The following PAX5 variants were observed in gnomAD, a reference collection of about 807,000 sequenced individuals.
The protein encoded by PAX5 is paired box protein Pax-5.
A neutral mutation model predicts 43.7 loss-of-function variants in PAX5; 9 were observed. The ratio of observed to expected loss-of-function variants is 0.21; its 90% CI spans 0.12 to 0.36. The LOEUF (loss-of-function observed/expected upper bound fraction) is 0.36, where lower values mean the gene tolerates loss of function less well. Among genes scored for constraint, PAX5 ranks in the 10% least tolerant of loss-of-function variants. PAX5 has a pLI of 1.00. For missense variants in PAX5, 383 were observed against 532.7 expected, an observed-to-expected ratio of 0.72 and a Z score of 2.77; for synonymous variants, 228 against 214.3, an observed-to-expected ratio of 1.06 and a Z score of -0.56.
chr9:36,944,242 G>A (rs1052333083), intron 6 of PAX5, among the ~76,000 whole-genome samples: 5 of 151,990 alleles, frequency 3.3e-5, no homozygotes, highest in Non-Finnish European at 5.9e-5. Flanking sequence ...AAACACATGG[G>A]GCACGCTCAT....
rs982978253 is a variant in PAX5 at position 36,834,402 on chromosome 9, G to A, written c.*6158C>T. On this transcript the variant is annotated 3_prime_UTR_variant, in exon 10 of 10. Coordinates refer to ENST00000358127, the MANE Select transcript of PAX5 (RefSeq NM_016734.3). The stretch of plus-strand genomic sequence containing the variant: ...TCTGAGTTTCAAGTATGTCTGAGGT[G>A]TAGGGGAGTGAGTGAGTGTGTGTGT... The A allele has an allele frequency of 4.0e-5, 9 of 225,446 alleles. No individual in the cohort carries two copies. Among genetic ancestry groups the A allele is most frequent in the African/African-American group, 4.8e-5 (2 of 42,056 alleles). 14.0% of individuals were successfully genotyped at this position (225,446 alleles called of 1,614,324 possible).
intron 8 of PAX5, among the ~76,000 whole-genome samples, chr9:36,876,472 A>G (rs1825921644): frequency 6.6e-6 from 1 of 152,220 alleles, no homozygotes; most frequent in Non-Finnish European, 1.5e-5. Context: ...ACTAAAGCCA[A>G]AGGGCAATGA....
intron 6 of PAX5, among the ~76,000 whole-genome samples, chr9:36,950,345 TCAA>T (rs1832893842): frequency 6.6e-6 from 1 of 152,168 alleles, no homozygotes; most frequent in South Asian, 2.1e-4. Flanking sequence ...TGGGAAAGAA[TCAA>T]CAAATTCATC....
chr9:36,888,944 T>C (rs188963664), intron 7 of PAX5, among the ~76,000 whole-genome samples: 1 of 152,226 alleles, frequency 6.6e-6, no homozygotes, highest in African/African-American at 2.4e-5. Context: ...GCTCCACCAC[T>C]TACTCGCTGT....
chr9:36,951,408 C>T (rs771910391), intron 6 of PAX5, among the ~76,000 whole-genome samples: 3 of 152,242 alleles, frequency 2.0e-5, no homozygotes, highest in East Asian at 1.9e-4. Flanking sequence ...TTGCCAAGTG[C>T]GTACAGGTTC....
intron 7 of PAX5, among the ~76,000 whole-genome samples, chr9:36,890,959 C>T (rs983877841): frequency 7.9e-5 from 12 of 152,068 alleles, no homozygotes; most frequent in East Asian, 1.9e-4. Flanking sequence ...TACAACATGG[C>T]GAAACCCCAT....
In PAX5 at chr9:37,029,059, C is replaced by T. The variant is rs564833935; in HGVS notation, c.46+4927G>A. Among the ~76,000 whole-genome samples the T allele has an allele frequency of 4.4e-3, 668 of 152,312 alleles. 5 individuals are homozygous for T. Among genetic ancestry groups the T allele is most frequent in the African/African-American group, 0.015 (630 of 41,562 alleles). On this transcript the variant is annotated intron_variant, in intron 1 of 9. Transcript: ENST00000358127. Reference sequence around the variant, plus strand: ...GCTGAGGATTCCCTTGCCCCAGCAACTCATGGGAGTGGTCCGAAGACTCAA... The same window carrying T: ...GCTGAGGATTCCCTTGCCCCAGCAATTCATGGGAGTGGTCCGAAGACTCAA...
chr9:36,850,072 T>C (rs949800871), intron 8 of PAX5, among the ~76,000 whole-genome samples: 3 of 152,110 alleles, frequency 2.0e-5, no homozygotes, highest in Non-Finnish European at 4.4e-5. Context: ...GGTAGGACTT[T>C]GATGGCAGAG....
intron 3 of PAX5, among the ~76,000 whole-genome samples, chr9:37,014,381 A>C (rs1839214983): frequency 6.6e-6 from 1 of 152,164 alleles, no homozygotes; most frequent in African/African-American, 2.4e-5. Flanking sequence ...AGAGCATCTT[A>C]GCCTCCTGGA....
intron 2 of PAX5, among the ~76,000 whole-genome samples, chr9:37,019,192 C>A (rs1289896026): frequency 6.6e-6 from 1 of 152,058 alleles, no homozygotes; most frequent in African/African-American, 2.4e-5. Context: ...TTTTTAAAAT[C>A]ACTCTCTTTT....
rs973601936 is a variant in PAX5 at position 36,839,774 on chromosome 9, A to G, written c.*786T>C. ...TTCTGCTTCGGAAAAGTAGCTGAGGAATCTCCCAGACAGTTTTCTTTGAGT... is the reference window on the plus strand; with the variant it reads ...TTCTGCTTCGGAAAAGTAGCTGAGGGATCTCCCAGACAGTTTTCTTTGAGT... On this transcript the variant is annotated 3_prime_UTR_variant, in exon 10 of 10. Coordinates refer to ENST00000358127, the MANE Select transcript of PAX5 (RefSeq NM_016734.3). 1 of 233,376 alleles carries G rather than the reference A, an allele frequency of 4.3e-6. No homozygotes were observed. The highest frequency in any genetic ancestry group is 2.2e-5 in the African/African-American group (1 of 45,474). The allele number at this position is 233,376 out of a possible 1,614,324, so 14.5% of individuals were successfully genotyped here. A position where few individuals can be genotyped will look rare whatever the true frequency, so the allele number is the denominator to read the frequency against.
chr9:36,950,487 C>G (rs1035526159), intron 6 of PAX5, among the ~76,000 whole-genome samples: 19 of 152,204 alleles, frequency 1.2e-4, no homozygotes, highest in African/African-American at 4.3e-4. Context: ...CCTCCTCAGT[C>G]TTCCTCCCAA....
At chr9:36,852,514 A>G (rs896060370) in intron 8 of PAX5, among the ~76,000 whole-genome samples, 2 of 152,226 alleles carry the variant, frequency 1.3e-5, no homozygotes, top group African/African-American at 4.8e-5. Context: ...CGGCGAGACT[A>G]GAAACAGAAC....
chr9:37,025,242 C>T (rs1840221827), intron 1 of PAX5, among the ~76,000 whole-genome samples: 2 of 152,284 alleles, frequency 1.3e-5, no homozygotes, highest in East Asian at 3.9e-4. Flanking sequence ...AACTGACCTG[C>T]CCGCAGCCAG....
At chr9:37,029,445 G>A (rs1297199209) in intron 1 of PAX5, among the ~76,000 whole-genome samples, 1 of 152,218 alleles carries the variant, frequency 6.6e-6, no homozygotes, top group African/African-American at 2.4e-5. Context: ...GGGGACCCAG[G>A]AGGCTGCAGT....
intron 8 of PAX5, chr9:36,860,931 C>A (rs1278831372): frequency 1.3e-5 from 2 of 152,230 alleles, no homozygotes; most frequent in Non-Finnish European, 2.9e-5. Flanking sequence ...CTGATGAAGA[C>A]CCATTTTTTT....
At chr9:36,969,000 A>G (rs1172380090) in intron 5 of PAX5, among the ~76,000 whole-genome samples, 3 of 152,146 alleles carry the variant, frequency 2.0e-5, no homozygotes, top group Admixed American at 6.5e-5. Flanking sequence ...CTGCCCAGTC[A>G]TCCTGGTCCC....
At chr9:36,855,914 G>T (rs1015881028) in intron 8 of PAX5, among the ~76,000 whole-genome samples, 1 of 152,182 alleles carries the variant, frequency 6.6e-6, no homozygotes, top group African/African-American at 2.4e-5. Context: ...CTCCAGGAAG[G>T]CTTTCTGGAT....
intron 8 of PAX5, among the ~76,000 whole-genome samples, chr9:36,859,622 C>T (rs1259495013): frequency 1.3e-5 from 2 of 152,174 alleles, no homozygotes; most frequent in African/African-American, 2.4e-5. Context: ...TCACTGTGTC[C>T]GCAAATTCCT....
Sources: gnomAD v4.1 joint callset for allele counts (sites outside exome capture counted in the v4.1 genomes callset) on GRCh38, gnomAD v4.1.1 for gene constraint, MANE v1.5 for transcripts, NCBI Gene and HGNC (gene_info 2026-07-23, HGNC 2026-07-21) for gene names.